XPO4: variants seen among roughly 807,000 people sequenced by gnomAD.
XPO4 encodes exportin 4.
Under a neutral mutation model 143.0 loss-of-function variants are expected in XPO4, and 39 were observed. The ratio of observed to expected loss-of-function variants is 0.27; its 90% CI spans 0.21 to 0.36. The LOEUF (loss-of-function observed/expected upper bound fraction) is 0.36, where lower values mean the gene tolerates loss of function less well. Ranked by LOEUF, XPO4 falls within the 10% of genes least tolerant of loss-of-function variation. XPO4 has a pLI of 1.00. For missense variants in XPO4, 907 were observed against 1,348.0 expected (o/e 0.67, Z 5.12); for synonymous variants, 439 against 474.0 (o/e 0.93, Z 0.96).
chr13:20,840,329 T>C (rs1161166536), intron 6 of XPO4, among the ~76,000 whole-genome samples: 3 of 152,020 alleles, frequency 2.0e-5, no homozygotes, highest in African/African-American at 7.2e-5. Flanking sequence ...TACCTCAGCC[T>C]CCCGAACAGC....
chr13:20,797,167 A>G (rs1041082663), intron 16 of XPO4, 110 bp from the exon 17 acceptor site: 3 of 1,088,466 alleles, frequency 2.8e-6, no homozygotes, highest in Non-Finnish European at 2.5e-6. Flanking sequence ...GAGGCAGGAC[A>G]AGCACATAAC....
At chr13:20,895,524 C>G (rs1428774239) in intron 1 of XPO4, among the ~76,000 whole-genome samples, 1 of 151,562 alleles carries the variant, frequency 6.6e-6, no homozygotes, top group East Asian at 1.9e-4. Context: ...CCTAGCTACT[C>G]GGGAGGCTGA....
rs544332195 is a variant in XPO4 at position 20,836,706 on chromosome 13, G to A, written c.727+6189C>T. ...TCACACACTACGCAATTTACCCACT[G>A]AGTGTACAGCTCAATGGTTTTAGCA... is the stretch of plus-strand genomic sequence containing the variant. On this transcript the variant is annotated intron_variant, in intron 6 of 22. Transcript: ENST00000255305. 1.8e-4 allele frequency among the ~76,000 whole-genome samples: 27 copies of A among 152,286 alleles called. 2 individuals are homozygous for A. The South Asian group carries it at 2.5e-3, about 14-fold the overall frequency.
chr13:20,826,101 A>G (rs1221260614), intron 7 of XPO4, among the ~76,000 whole-genome samples: 1 of 152,198 alleles, frequency 6.6e-6, no homozygotes, highest in Non-Finnish European at 1.5e-5. Flanking sequence ...ATTATATCTA[A>G]TTAACTTGTA....
At chr13:20,789,301 G>C (rs1397534709) in intron 19 of XPO4, among the ~76,000 whole-genome samples, 2 of 152,158 alleles carry the variant, frequency 1.3e-5, no homozygotes, top group Non-Finnish European at 2.9e-5. Context: ...TCTCAAGGAG[G>C]GGGAAGCACA....
chr13:20,809,808 C>G lies in XPO4; in HGVS notation c.1333G>C (p.Asp445His), dbSNP rs758723856. 1.2e-6 allele frequency: 2 copies of G among 1,609,442 alleles called. No individual in the cohort carries two copies. The highest frequency in any genetic ancestry group is 8.5e-7 in the Non-Finnish European group (1 of 1,178,322). The stretch of plus-strand genomic sequence containing the variant: ...AAACTCACCAAATTTCTTGTGCCAT[C>G]TGGAGCAGCTAGGTGGCACTGAATA... ...SYIQCHLAAP[D>H]GTRNLTANGV... The change falls in exon 10 of 23, where the codon GAT becomes CAT. Residue 445 changes from aspartate to histidine, a missense_variant. By Grantham distance (81) the Asp-to-His change is moderately conservative (BLOSUM62 -1). Coordinates refer to ENST00000255305, the MANE Select transcript of XPO4 (RefSeq NM_022459.5).
intron 9 of XPO4, 129 bp downstream of exon 9, chr13:20,821,574 TA>T: frequency 1.9e-6 from 2 of 1,049,908 alleles, no homozygotes; most frequent in Non-Finnish European, 2.6e-6. Context: ...TTTGCACATC[TA>T]AACAAAACAG....
At chr13:20,900,574 A>G (rs1223935342) in intron 1 of XPO4, among the ~76,000 whole-genome samples, 2 of 152,092 alleles carry the variant, frequency 1.3e-5, no homozygotes, top group Non-Finnish European at 2.9e-5. Context: ...TCTTTGGTAC[A>G]AATTTCTGAA....
At chr13:20,837,363 CAATGTT>C (rs1238035663) in intron 6 of XPO4, among the ~76,000 whole-genome samples, 1 of 152,122 alleles carries the variant, frequency 6.6e-6, no homozygotes, top group African/African-American at 2.4e-5. Flanking sequence ...AGTTGAGAAT[CAATGTT>C]AAAGAGTTAT....
intron 1 of XPO4, among the ~76,000 whole-genome samples, chr13:20,888,378 G>A (rs1396268384): frequency 6.6e-6 from 1 of 152,094 alleles, no homozygotes. Flanking sequence ...GGCAGGGTCT[G>A]TTCTGTCACC....
chr13:20,792,297 A>C (rs944514911), intron 18 of XPO4, among the ~76,000 whole-genome samples: 1 of 152,166 alleles, frequency 6.6e-6, no homozygotes, highest in Non-Finnish European at 1.5e-5. Flanking sequence ...AATACAAAAA[A>C]TTAGCCAGGC....
intron 2 of XPO4, chr13:20,866,158 T>C (rs1322561510): frequency 2.0e-6 from 2 of 985,302 alleles, no homozygotes; most frequent in East Asian, 1.1e-4. Flanking sequence ...AATTACTAAG[T>C]GCCAAAGACT....
chr13:20,891,122 TAAAAAAAAAAAAAAAAA>T (rs57528913), intron 1 of XPO4, among the ~76,000 whole-genome samples: 1 of 85,972 alleles, frequency 1.2e-5, no homozygotes, highest in African/African-American at 5.2e-5. Context: ...CATCTCAATT[TAAAAAAAAAAAAAAAAA>T]AAAAAAAAAA....
chr13:20,810,511 A>G (rs905239563), intron 9 of XPO4, among the ~76,000 whole-genome samples: 1 of 152,264 alleles, frequency 6.6e-6, no homozygotes, highest in African/African-American at 2.4e-5. Context: ...TCCCATACTT[A>G]GAGAAAAATC....
intron 15 of XPO4, 43 bp downstream of exon 15, chr13:20,800,113 C>A (rs1241230896): frequency 1.3e-6 from 2 of 1,598,072 alleles, no homozygotes; most frequent in Non-Finnish European, 1.7e-6. Flanking sequence ...AGTTTCTCAC[C>A]CACACACATA....
intron 9 of XPO4, among the ~76,000 whole-genome samples, chr13:20,820,108 G>A (rs947692685): frequency 1.3e-5 from 2 of 152,180 alleles, no homozygotes; most frequent in Admixed American, 6.5e-5. Context: ...AATTAAAAGA[G>A]TAAAATAAAT....
chr13:20,890,282 T>G (rs191809846), intron 1 of XPO4, among the ~76,000 whole-genome samples: 349 of 151,856 alleles, frequency 2.3e-3, no homozygotes, highest in African/African-American at 7.5e-3. Flanking sequence ...AAACCTTGTC[T>G]CTACAAAAAA....
At chr13:20,800,804 A>G (rs777850891) in intron 14 of XPO4, 27 bp downstream of exon 14, 17 of 1,602,364 alleles carry the variant, frequency 1.1e-5, no homozygotes, top group Non-Finnish European at 1.4e-5. Context: ...ATAAATCCAA[A>G]TGAAGTTTTA....
intron 13 of XPO4, among the ~76,000 whole-genome samples, chr13:20,804,064 C>A (rs770821582): frequency 2.0e-5 from 3 of 151,810 alleles, no homozygotes; most frequent in Non-Finnish European, 2.9e-5. Context: ...GAAAAGTAAT[C>A]CTTTATCACA....
Sources: gnomAD v4.1 joint callset for allele counts (sites outside exome capture counted in the v4.1 genomes callset) on GRCh38, gnomAD v4.1.1 for gene constraint, MANE v1.5 for transcripts, NCBI Gene and HGNC (gene_info 2026-07-23, HGNC 2026-07-21) for gene names.